The following LAMA1 variants were observed in gnomAD, a reference collection of about 807,000 sequenced individuals.
LAMA1 encodes the protein laminin subunit alpha 1.
LAMA1 carries 219 observed loss-of-function variants against 348.7 expected under a neutral mutation model. The observed-to-expected ratio is 0.63, with a 90% confidence interval of 0.56 to 0.70. The LOEUF (loss-of-function observed/expected upper bound fraction) is 0.70. Ranked by LOEUF, LAMA1 falls within the 30% of genes least tolerant of loss-of-function variation. The pLI, the probability that LAMA1 is intolerant of heterozygous loss-of-function variation, is 0.00. For synonymous variants in LAMA1, 1,487 were observed against 1,491.0 expected (o/e 1.00, Z 0.06); for missense variants, 3,744 against 3,888.0 (o/e 0.96, Z 0.99).
At chr18:7,041,345 G>A (rs544688027) in intron 9 of LAMA1, among the ~76,000 whole-genome samples, 15 of 151,536 alleles carry the variant, frequency 9.9e-5, no homozygotes, top group Non-Finnish European at 1.9e-4. Flanking sequence ...GAACTCAATT[G>A]AGGGTAAATG....
At chr18:7,090,760 C>G (rs77931193) in intron 1 of LAMA1, among the ~76,000 whole-genome samples, 2,625 of 152,044 alleles carry the variant, frequency 0.017, 88 homozygotes, top group African/African-American at 0.06. Flanking sequence ...AGACCCCATA[C>G]AAACAGTGAG....
chr18:7,042,030 C>A, intron 9 of LAMA1, 115 bp downstream of exon 9: 1 of 783,572 alleles, frequency 1.3e-6, no homozygotes, highest in Non-Finnish European at 2.2e-6. Flanking sequence ...ACTTGGTGAA[C>A]AAAAGAATCA....
At chr18:7,054,897 A>G (rs146194646) in intron 3 of LAMA1, among the ~76,000 whole-genome samples, 164 of 152,330 alleles carry the variant, frequency 1.1e-3, no homozygotes, top group African/African-American at 3.8e-3. Flanking sequence ...TTAAGAATAT[A>G]CCATAAACAT....
intron 33 of LAMA1, 88 bp downstream of exon 33, chr18:6,997,654 G>A (rs1200282479): frequency 7.1e-7 from 1 of 1,407,830 alleles, no homozygotes; most frequent in East Asian, 2.3e-5. Flanking sequence ...AATGTGGGGA[G>A]GACACATGGA....
chr18:6,965,733 CAA>C (rs2057630364), intron 49 of LAMA1: 1 of 435,922 alleles, frequency 2.3e-6, no homozygotes, highest in Middle Eastern at 6.6e-4. Context: ...AAAATAAAAC[CAA>C]AAGACTGAAA....
chr18:7,017,912 C>G (rs1229346789), intron 19 of LAMA1, among the ~76,000 whole-genome samples: 1 of 152,144 alleles, frequency 6.6e-6, no homozygotes, highest in Non-Finnish European at 1.5e-5. Context: ...TCCATTTTAT[C>G]TACAGTTACA....
In LAMA1 at chr18:6,961,771, G is replaced by C; in HGVS notation, c.7453-12C>G. The C allele has an allele frequency of 6.2e-7, 1 of 1,614,066 alleles. No individual in the cohort carries two copies. The highest frequency in any genetic ancestry group is 8.5e-7 in the Non-Finnish European group (1 of 1,179,978). On this transcript the variant is annotated splice_polypyrimidine_tract_variant and intron_variant, in intron 52 of 62. Coordinates refer to ENST00000389658, the MANE Select transcript of LAMA1 (RefSeq NM_005559.4). ...ACACTCCGGATGGGCTGGACACAGA[G>C]GAGATGGAACAGCATGGTGAGTTCC...
At chr18:7,042,968 T>C in intron 8 of LAMA1, 1 of 480,836 alleles carries the variant, frequency 2.1e-6, no homozygotes, top group East Asian at 3.6e-5. Flanking sequence ...AATTTTCACA[T>C]CTGTAGTTAG....
chr18:6,955,517 C>T lies in LAMA1; in HGVS notation c.8095-52G>A, dbSNP rs745896632. On this transcript the variant is annotated intron_variant, in intron 56 of 62. Coordinates refer to ENST00000389658, the MANE Select transcript of LAMA1 (RefSeq NM_005559.4). ...GCCGCCACCCGCAGCCCGAACCCCACTGACACACGCGTGTTCCGCCATGAA... is the reference window on the plus strand; with the variant it reads ...GCCGCCACCCGCAGCCCGAACCCCATTGACACACGCGTGTTCCGCCATGAA... 1.2e-5 allele frequency: 16 copies of T among 1,327,094 alleles called. No individual in the cohort carries two copies. In the East Asian group the frequency reaches 2.3e-4, roughly 19 times the overall value. 82.2% of individuals were successfully genotyped at this position (1,327,094 alleles called of 1,614,324 possible). A position where few individuals can be genotyped will look rare whatever the true frequency, so the allele number is the denominator to read the frequency against.
chr18:7,101,894 G>C (rs540797956), intron 1 of LAMA1, among the ~76,000 whole-genome samples: 42 of 150,322 alleles, frequency 2.8e-4, no homozygotes, highest in African/African-American at 1.0e-3. Context: ...GCCCAGGCTG[G>C]TCTCGAACTC....
intron 1 of LAMA1, among the ~76,000 whole-genome samples, chr18:7,088,748 C>T (rs1375220103): frequency 6.6e-6 from 1 of 152,074 alleles, no homozygotes; most frequent in African/African-American, 2.4e-5. Flanking sequence ...GGTCGGACTC[C>T]TGGCCTCAAA....
chr18:7,011,194 T>C, intron 25 of LAMA1, 106 bp downstream of exon 25: 1 of 1,259,228 alleles, frequency 7.9e-7, no homozygotes, highest in Non-Finnish European at 1.1e-6. Flanking sequence ...AGGAAATTAA[T>C]AACTACTTCT....
rs2057971509 is a variant in LAMA1, at chr18:7,031,955, T to A, written c.2274+111A>T. On this transcript the variant is annotated intron_variant, in intron 16 of 62. Coordinates refer to ENST00000389658, the MANE Select transcript of LAMA1 (RefSeq NM_005559.4). Reference sequence around the variant, plus strand: ...ATCTGTAAATTTTCTTTGGGGTCTATGAGGCTAGGGTTATTCCGTGGAGGA... The same window carrying A: ...ATCTGTAAATTTTCTTTGGGGTCTAAGAGGCTAGGGTTATTCCGTGGAGGA... 7.9e-6 allele frequency: 6 copies of A among 755,168 alleles called. No individual in the cohort carries two copies. The South Asian group carries it at 9.8e-5, about 12-fold the overall frequency. The allele number at this position is 755,168 out of a possible 1,614,324, so 46.8% of individuals were successfully genotyped here. A position where few individuals can be genotyped will look rare whatever the true frequency, so the allele number is the denominator to read the frequency against.
At chr18:7,015,908 G>C (rs1268684458) in intron 21 of LAMA1, 50 bp from the exon 22 acceptor site, 3 of 1,608,860 alleles carry the variant, frequency 1.9e-6, no homozygotes, top group Non-Finnish European at 2.6e-6. Context: ...TGTCATTAAA[G>C]GGCTAAGAGC....
At chr18:7,085,858 G>T (rs1306815575) in intron 1 of LAMA1, among the ~76,000 whole-genome samples, 1 of 152,162 alleles carries the variant, frequency 6.6e-6, no homozygotes, top group African/African-American at 2.4e-5. Context: ...AATAAAAACA[G>T]CACCTCTAAC....
chr18:6,967,074 T>A (rs1288858270), intron 48 of LAMA1, among the ~76,000 whole-genome samples: 1 of 152,190 alleles, frequency 6.6e-6, no homozygotes, highest in African/African-American at 2.4e-5. Flanking sequence ...CTGTTCCCAG[T>A]TAGAGGTGTA....
intron 51 of LAMA1, among the ~76,000 whole-genome samples, chr18:6,964,382 C>T (rs1034956013): frequency 6.6e-6 from 1 of 152,088 alleles, no homozygotes; most frequent in Non-Finnish European, 1.5e-5. Flanking sequence ...TGCAACATGA[C>T]AGTTGTCCTT....
chr18:7,107,743 AGT>A (rs2058318432), intron 1 of LAMA1, among the ~76,000 whole-genome samples: 1 of 152,096 alleles, frequency 6.6e-6, no homozygotes, highest in African/African-American at 2.4e-5. Context: ...ATACTTTCTC[AGT>A]GGCTCACACC....
chr18:6,954,778 G>T, intron 57 of LAMA1: 1 of 190,642 alleles, frequency 5.2e-6, no homozygotes, highest in Non-Finnish European at 1.1e-5. Context: ...AAGACGGGCA[G>T]GGCATGGCAG....
Sources: gnomAD v4.1 joint callset for allele counts (sites outside exome capture counted in the v4.1 genomes callset) on GRCh38, gnomAD v4.1.1 for gene constraint, MANE v1.5 for transcripts, NCBI Gene and HGNC (gene_info 2026-07-23, HGNC 2026-07-21) for gene names.